The following ADGRB3 variants were observed in gnomAD, a reference collection of about 807,000 sequenced individuals.
ADGRB3 encodes the protein brain-specific angiogenesis inhibitor 3.
Under a neutral mutation model 193.4 loss-of-function variants are expected in ADGRB3, and 37 were observed. That is an observed-to-expected ratio of 0.19 (90% CI 0.15 to 0.25). The LOEUF is 0.25. ADGRB3 is among the 10% of genes least tolerant of loss of function. The pLI is 1.00. For synonymous variants in ADGRB3, 690 were observed against 644.2 expected (o/e 1.07, Z -1.08); for missense variants, 1,637 against 1,852.9 (o/e 0.88, Z 2.14).
chr6:68,659,850 T>C (rs1297937551), intron 3 of ADGRB3, among the ~76,000 whole-genome samples: 1 of 151,074 alleles, frequency 6.6e-6, no homozygotes, highest in Non-Finnish European at 1.5e-5. Context: ...AACCATCTTT[T>C]ACACTGATCC....
At chr6:69,386,572 C>T (rs1022319012) in intron 31 of ADGRB3, among the ~76,000 whole-genome samples, 8 of 152,072 alleles carry the variant, frequency 5.3e-5, no homozygotes, top group African/African-American at 1.9e-4. Context: ...ATTTAGTAGC[C>T]AGGCATTCAG....
At chr6:69,320,560 A>G (rs1768426908) in intron 20 of ADGRB3, among the ~76,000 whole-genome samples, 1 of 151,582 alleles carries the variant, frequency 6.6e-6, no homozygotes, top group Non-Finnish European at 1.5e-5. Context: ...CCAATTTAAA[A>G]AATATCTTTC....
At chr6:68,773,713 A>C (rs989556740) in intron 3 of ADGRB3, among the ~76,000 whole-genome samples, 2 of 152,210 alleles carry the variant, frequency 1.3e-5, no homozygotes, top group African/African-American at 2.4e-5. Flanking sequence ...AATAAGACAT[A>C]GTCCAGATTT....
intron 15 of ADGRB3, among the ~76,000 whole-genome samples, chr6:69,061,302 A>C (rs762065119): frequency 6.6e-6 from 1 of 151,936 alleles, no homozygotes; most frequent in Non-Finnish European, 1.5e-5. Context: ...AGATATAGTA[A>C]ATTCCTCCAA....
chr6:69,037,108 T>A (rs902499640), intron 13 of ADGRB3, among the ~76,000 whole-genome samples: 2 of 152,046 alleles, frequency 1.3e-5, no homozygotes, highest in Non-Finnish European at 2.9e-5. Context: ...GAAGACATGT[T>A]GATGGGTGGG....
chr6:68,922,974 A>G (rs1057498089), intron 3 of ADGRB3, among the ~76,000 whole-genome samples: 9 of 152,152 alleles, frequency 5.9e-5, no homozygotes, highest in Non-Finnish European at 1.3e-4. Context: ...TACTGAAAAT[A>G]TTTTCCATGA....
At chr6:69,097,048 G>A (rs1359410941) in intron 17 of ADGRB3, among the ~76,000 whole-genome samples, 4 of 152,142 alleles carry the variant, frequency 2.6e-5, no homozygotes, top group African/African-American at 7.2e-5. Context: ...AAGTAAAAGA[G>A]GACATTAAGA....
chr6:69,329,361 T>C (rs534026568), intron 22 of ADGRB3, among the ~76,000 whole-genome samples: 3 of 152,306 alleles, frequency 2.0e-5, no homozygotes, highest in Admixed American at 1.3e-4. Context: ...AATGCAGGCT[T>C]TGAATATACA....
At chr6:69,324,188 A>G (rs1345448365) in intron 20 of ADGRB3, among the ~76,000 whole-genome samples, 2 of 152,148 alleles carry the variant, frequency 1.3e-5, no homozygotes, top group Non-Finnish European at 2.9e-5. Flanking sequence ...AAAAATATCT[A>G]TAAAATCTTA....
intron 3 of ADGRB3, among the ~76,000 whole-genome samples, chr6:68,772,878 CAAA>C (rs1766649317): frequency 6.4e-5 from 1 of 15,710 alleles, no homozygotes; most frequent in African/African-American, 2.2e-4. Context: ...AACAAACAAA[CAAA>C]CAAAAAAAAA....
intron 13 of ADGRB3, among the ~76,000 whole-genome samples, chr6:69,040,257 C>A (rs73467737): frequency 8.6e-5 from 13 of 151,998 alleles, no homozygotes; most frequent in African/African-American, 3.1e-4. Context: ...CTGTCTTCAT[C>A]GCTTTCCCCC....
At chr6:69,222,345 T>C (rs1371926743) in intron 17 of ADGRB3, among the ~76,000 whole-genome samples, 1 of 152,178 alleles carries the variant, frequency 6.6e-6, no homozygotes, top group Non-Finnish European at 1.5e-5. Context: ...GTCCGGGATA[T>C]TCATTATCTT....
chr6:69,141,190 C>G (rs1774332012), intron 17 of ADGRB3, among the ~76,000 whole-genome samples: 1 of 150,832 alleles, frequency 6.6e-6, no homozygotes, highest in Non-Finnish European at 1.5e-5. Flanking sequence ...GTGGCGCCAT[C>G]TCGGCTCACT....
At chr6:68,961,139 A>G (rs1768219590) in intron 8 of ADGRB3, among the ~76,000 whole-genome samples, 1 of 152,156 alleles carries the variant, frequency 6.6e-6, no homozygotes, top group Admixed American at 6.6e-5. Context: ...GTTTCAGCCA[A>G]AATAAGATCT....
rs368533879 is a variant in ADGRB3, at chr6:69,054,144, C to A, written c.2333+4798C>A. On this transcript the variant is annotated intron_variant, in intron 15 of 31. Coordinates refer to ENST00000370598, the MANE Select transcript of ADGRB3 (RefSeq NM_001704.3). ...CACTATAGTGGAATAAAGGAAAATA[C>A]AGATGAATGAAAACTAAAGTGTCTT... Among the ~76,000 whole-genome samples, 192 of 152,142 alleles carry A rather than the reference C, an allele frequency of 1.3e-3. 1 individual carries two copies. The highest frequency in any genetic ancestry group is 4.5e-3 in the African/African-American group (188 of 41,518).
At position 68,936,927 on chromosome 6, in the gene ADGRB3, C is replaced by T. The variant is rs531853784; in HGVS notation, c.1030+247C>T. On this transcript the variant is annotated intron_variant, in intron 5 of 31. Transcript: ENST00000370598. ...TCAGTTTCTAATCTGTGTGTATCTA[C>T]TTCTAATAATATTTAAGGTTCAATT... Among the ~76,000 whole-genome samples, 12 of 152,270 alleles carry T rather than the reference C, an allele frequency of 7.9e-5. No individual in the cohort carries two copies. In the South Asian group the frequency reaches 2.3e-3, roughly 29 times the overall value.
At chr6:69,060,030 G>A (rs887599088) in intron 15 of ADGRB3, among the ~76,000 whole-genome samples, 1 of 152,024 alleles carries the variant, frequency 6.6e-6, no homozygotes, top group African/African-American at 2.4e-5. Flanking sequence ...AGAATTGATG[G>A]ATGCTTTCGT....
chr6:69,078,628 C>A (rs1420623905), intron 17 of ADGRB3, among the ~76,000 whole-genome samples: 1 of 151,882 alleles, frequency 6.6e-6, no homozygotes, highest in African/African-American at 2.4e-5. Context: ...GGCATGATTT[C>A]TAATTAATTT....
intron 3 of ADGRB3, among the ~76,000 whole-genome samples, chr6:68,810,814 A>G (rs1040170926): frequency 6.6e-6 from 1 of 152,176 alleles, no homozygotes; most frequent in Non-Finnish European, 1.5e-5. Context: ...GAAAAATAGG[A>G]AAAATAATTA....
Sources: allele counts gnomAD v4.1 joint callset (sites outside exome capture counted in the v4.1 genomes callset), GRCh38; gene constraint gnomAD v4.1.1; transcripts MANE v1.5; gene names NCBI Gene and HGNC (gene_info 2026-07-23, HGNC 2026-07-21).